MCF2L2: variants seen among roughly 807,000 people sequenced by gnomAD.
MCF2L2 encodes the protein probable guanine nucleotide exchange factor MCF2L2.
MCF2L2 carries 102 observed loss-of-function variants against 150.2 expected under a neutral mutation model. That is an observed-to-expected ratio of 0.68 (90% CI 0.58 to 0.80). The LOEUF (loss-of-function observed/expected upper bound fraction) is 0.80. Ranked by LOEUF, MCF2L2 falls within the 30% of genes least tolerant of loss-of-function variation. MCF2L2 has a pLI of 0.00. For missense variants in MCF2L2, 1,256 were observed against 1,372.8 expected (o/e 0.91, Z 1.34); for synonymous variants, 465 against 491.3 (o/e 0.95, Z 0.71).
chr3:183,232,331 C>G (rs1347219119), intron 15 of MCF2L2, among the ~76,000 whole-genome samples: 2 of 152,176 alleles, frequency 1.3e-5, no homozygotes, highest in African/African-American at 2.4e-5. Context: ...CAGCCAACAC[C>G]TTGACTTTAG....
intron 1 of MCF2L2, 42 bp downstream of exon 1, chr3:183,427,860 C>T (rs902735935): frequency 3.9e-6 from 6 of 1,549,286 alleles, no homozygotes; most frequent in South Asian, 1.1e-5. Context: ...CCATCCTCAC[C>T]CGCCATTAAT....
At chr3:183,225,409 A>C (rs1362932752) in intron 18 of MCF2L2, 2 of 152,254 alleles carry the variant, frequency 1.3e-5, no homozygotes, top group East Asian at 3.8e-4. Flanking sequence ...AAAGGCTAAC[A>C]GTCCAAAATT....
chr3:183,336,867 ATAT>A (rs767628747), intron 5 of MCF2L2, among the ~76,000 whole-genome samples: 17,343 of 126,432 alleles, frequency 0.14, 1,124 homozygotes, highest in East Asian at 0.19. Context: ...AAAAAAAAAT[ATAT>A]ATATATATAT....
intron 7 of MCF2L2, among the ~76,000 whole-genome samples, chr3:183,316,438 G>A (rs559749051): frequency 6.7e-5 from 10 of 148,158 alleles, no homozygotes; most frequent in African/African-American, 2.0e-4. Flanking sequence ...TCCATCTCCC[G>A]GGTTCAAGCG....
chr3:183,179,250 T>C lies in MCF2L2; in HGVS notation c.*130A>G, dbSNP rs1291627336. 7.9e-7 allele frequency: 1 copy of C among 1,266,770 alleles called. No homozygotes were observed. Among genetic ancestry groups the C allele is most frequent in the African/African-American group, 1.6e-5 (1 of 63,204 alleles). The allele number at this position is 1,266,770 out of a possible 1,614,324, so 78.5% of individuals were successfully genotyped here. A position where few individuals can be genotyped will look rare whatever the true frequency, so the allele number is the denominator to read the frequency against. On this transcript the variant is annotated 3_prime_UTR_variant, in exon 30 of 30. Transcript: ENST00000328913. This position sits in a 1 kb window ranked among gnomAD's most constrained non-coding sequence, Gnocchi z 4.2. ...CGGGCTCCTCGGAGGAGGCCCTGGT[T>C]GTCCCCTTTCTGCCGCCGCCGAGGC...
intron 14 of MCF2L2, among the ~76,000 whole-genome samples, chr3:183,281,382 T>G (rs1577020090): frequency 6.7e-6 from 1 of 148,964 alleles, no homozygotes; most frequent in East Asian, 2.1e-4. Context: ...TTTTTTTTTT[T>G]GGAAACTCAC....
chr3:183,338,795 C>T lies in MCF2L2; in HGVS notation c.486+5G>A, dbSNP rs748972805. ...AAATGAGACAAGATGAAAGGTCTTGCTTACCGGCACTTTCGTTTTAAACTC... is the reference window on the plus strand; with the variant it reads ...AAATGAGACAAGATGAAAGGTCTTGTTTACCGGCACTTTCGTTTTAAACTC... On this transcript the variant is annotated splice_donor_5th_base_variant and intron_variant, in intron 5 of 29. Coordinates refer to ENST00000328913, the MANE Select transcript of MCF2L2 (RefSeq NM_015078.4). 6.3e-7 allele frequency: 1 copy of T among 1,594,978 alleles called. No homozygotes were observed. The highest frequency in any genetic ancestry group is 8.6e-7 in the Non-Finnish European group (1 of 1,167,030).
chr3:183,238,757 G>A (rs947622740), intron 15 of MCF2L2, among the ~76,000 whole-genome samples: 16 of 151,132 alleles, frequency 1.1e-4, no homozygotes, highest in Admixed American at 9.9e-4. Context: ...CAGCACTTTG[G>A]GAGGCCGAGG....
chr3:183,342,220 A>G (rs1730728423), intron 3 of MCF2L2, among the ~76,000 whole-genome samples: 1 of 152,258 alleles, frequency 6.6e-6, no homozygotes, highest in Admixed American at 6.5e-5. Flanking sequence ...AAATTCTCAC[A>G]GAATCTTTCG....
intron 22 of MCF2L2, among the ~76,000 whole-genome samples, chr3:183,208,342 T>C (rs1160114236): frequency 6.6e-6 from 1 of 152,254 alleles, no homozygotes; most frequent in Middle Eastern, 3.2e-3. Context: ...GAAAGTTTAC[T>C]GTGATCTAAT....
chr3:183,417,115 C>CAAAAAAA (rs74989072), intron 1 of MCF2L2, among the ~76,000 whole-genome samples: 42 of 44,248 alleles, frequency 9.5e-4, no homozygotes, highest in African/African-American at 2.8e-3. Context: ...GACTCTGTCT[C>CAAAAAAA]AAAAAAAAAA....
intron 18 of MCF2L2, chr3:183,226,168 C>T (rs1049783782): frequency 2.0e-5 from 3 of 152,340 alleles, no homozygotes; most frequent in African/African-American, 7.2e-5. Flanking sequence ...GATTAAAACA[C>T]TTGGTCAGAA....
chr3:183,298,542 G>T (rs984974122), intron 11 of MCF2L2: 3 of 152,118 alleles, frequency 2.0e-5, no homozygotes, highest in Non-Finnish European at 2.9e-5. Context: ...AGGGATGGGG[G>T]ATAGTGGGAT....
At position 183,273,420 on chromosome 3, in the gene MCF2L2, T is replaced by C. The variant is rs143894622; in HGVS notation, c.1862+3452A>G. ...GTGTATTTAAACTTTTTCATGAACA[T>C]TGCTTATATAATCATTCCTTCTGTC... On this transcript the variant is annotated intron_variant, in intron 15 of 29. Coordinates refer to ENST00000328913, the MANE Select transcript of MCF2L2 (RefSeq NM_015078.4). 1.5e-3 allele frequency: 241 copies of C among 165,916 alleles called. 3 individuals are homozygous for C. The East Asian group carries it at 0.032, about 22-fold the overall frequency. 10.3% of individuals were successfully genotyped at this position (165,916 alleles called of 1,614,324 possible).
intron 1 of MCF2L2, among the ~76,000 whole-genome samples, chr3:183,401,060 A>C (rs1560058698): frequency 6.6e-6 from 1 of 152,134 alleles, no homozygotes; most frequent in Non-Finnish European, 1.5e-5. Flanking sequence ...CGACTCCTGA[A>C]GATCAGGTGC....
Position 183,219,858 on chromosome 3 carries a change from T to A in MCF2L2, c.2368A>T (p.Lys790Ter). Residue 790 changes from lysine to a stop codon, truncating the protein, a stop_gained and splice_region_variant, in exon 21 of 30, where the codon AAG becomes TAG. Coordinates refer to ENST00000328913, the MANE Select transcript of MCF2L2 (RefSeq NM_015078.4). LOFTEE classifies it high-confidence loss of function. Reference sequence around the variant, plus strand: ...ATGTAATATTTAATATTGAGTACCTTAGCCGAGCCTCCTAGTTCACCTGGG... The same window carrying A: ...ATGTAATATTTAATATTGAGTACCTAAGCCGAGCCTCCTAGTTCACCTGGG... ...IDPGELGGSA[K>*]DGPKRTKDSA... The A allele has an allele frequency of 1.2e-6, 2 of 1,606,998 alleles. No homozygotes were observed. The highest frequency in any genetic ancestry group is 1.7e-6 in the Non-Finnish European group (2 of 1,173,592).
In MCF2L2 at chr3:183,323,275, G is replaced by T. The variant is rs746908799; in HGVS notation, c.563C>A (p.Thr188Asn). The T allele has an allele frequency of 8.7e-6, 14 of 1,613,604 alleles. No individual in the cohort carries two copies. In the Admixed American group the frequency reaches 1.7e-4, roughly 19 times the overall value. Residue 188 changes from threonine (T) to asparagine (N), a missense_variant, in exon 6 of 30, where the codon ACT becomes AAT. Thr to Asn is a moderately conservative substitution (Grantham distance 65). Transcript: ENST00000328913. ...KSQLTRELGGTLEYRHGQWVN... is the reference protein window; with the variant it reads ...KSQLTRELGGNLEYRHGQWVN... ...CCACTGACCGTGGCGATATTCCAAA[G>T]TCCCCCCTAATTCCCGGGTCAGTTG...
At chr3:183,371,416 T>C (rs1457236766) in intron 3 of MCF2L2, among the ~76,000 whole-genome samples, 1 of 151,194 alleles carries the variant, frequency 6.6e-6, no homozygotes, top group East Asian at 1.9e-4. Context: ...TTCCAGTTCA[T>C]AGGTAGATAA....
At chr3:183,398,079 T>C (rs950713245) in intron 1 of MCF2L2, among the ~76,000 whole-genome samples, 1 of 152,190 alleles carries the variant, frequency 6.6e-6, no homozygotes, top group African/African-American at 2.4e-5. Flanking sequence ...CAATGAGCCA[T>C]TGAAGCAGAG....
Sources: gnomAD v4.1 joint callset for allele counts (sites outside exome capture counted in the v4.1 genomes callset) on GRCh38, gnomAD v4.1.1 for gene constraint, Gnocchi (gnomAD v3.1) non-coding constraint, MANE v1.5 for transcripts, NCBI Gene and HGNC (gene_info 2026-07-23, HGNC 2026-07-21) for gene names.